KRT9: variants seen among roughly 807,000 people sequenced by gnomAD.
KRT9 encodes keratin 9, also known as keratin, type I cytoskeletal 9.
Under a neutral mutation model 51.4 loss-of-function variants are expected in KRT9, and 34 were observed. That is an observed-to-expected ratio of 0.66 (90% CI 0.50 to 0.88). The LOEUF (loss-of-function observed/expected upper bound fraction) is 0.88. KRT9 is among the 40% of genes least tolerant of loss of function. The pLI is 0.00. For synonymous variants in KRT9, 292 were observed against 289.7 expected (o/e 1.01, Z -0.08); for missense variants, 753 against 790.3 (o/e 0.95, Z 0.57).
intron 7 of KRT9, 142 bp downstream of exon 7, chr17:41,567,091 T>C: frequency 1.5e-6 from 2 of 1,355,596 alleles, no homozygotes; most frequent in South Asian, 2.8e-5. Flanking sequence ...GAACCAAGGG[T>C]AGGTCTCTGA....
intron 7 of KRT9, among the ~76,000 whole-genome samples, chr17:41,566,972 CATG>C (rs1358749590): frequency 1.3e-5 from 2 of 152,162 alleles, no homozygotes; most frequent in Admixed American, 6.5e-5. Flanking sequence ...TAGCGTGTGT[CATG>C]ATAATGCACA....
Position 41,571,595 on chromosome 17 carries a change from C to T in KRT9, c.398G>A (p.Gly133Glu), listed in dbSNP as rs750183855. The T allele has an allele frequency of 1.9e-6, 3 of 1,601,004 alleles. No homozygotes were observed. Among genetic ancestry groups the T allele is most frequent in the Non-Finnish European group, 2.6e-6 (3 of 1,171,122 alleles). Residue 133 changes from glycine (G) to glutamate (E), a missense_variant, in exon 1 of 8, where the codon GGG (glycine) becomes GAG (glutamate). Physicochemically the swap from Gly to Glu is moderately conservative, Grantham distance 98. This residue lies in a region of KRT9 where 241 missense variants were observed against 210.3 expected (regional missense o/e 1.15). Coordinates refer to ENST00000246662, the MANE Select transcript of KRT9 (RefSeq NM_000226.4). ...FGGGYGSGFG[G>E]FGGFGGGAGG... Reference sequence around the variant, plus strand: ...AGCACCACCTCCAAAGCCCCCAAACCCCCCAAACCCACTCCCATAGCCACC... The same window carrying T: ...AGCACCACCTCCAAAGCCCCCAAACTCCCCAAACCCACTCCCATAGCCACC...
intron 7 of KRT9, 56 bp downstream of exon 7, chr17:41,567,173 CAAAA>C (rs11313278): frequency 2.1e-6 from 3 of 1,436,004 alleles, no homozygotes; most frequent in Admixed American, 2.1e-5. Flanking sequence ...CAAAAATACT[CAAAA>C]AAAAAAAAAG....
chr17:41,567,348 G>A lies in KRT9; in HGVS notation c.1797C>T (p.Ser599=), dbSNP rs754967566. ...GSGFGGESGG[S]YGGGEEASGS... ...CACTCGCTTCTTCACCGCCTCCGTA[G>A]CTGCCTCCACTTTCACCTCCAAAAC... Residue 599 remains serine, a synonymous_variant, in exon 7 of 8, where the codon AGC becomes AGT. Coordinates refer to ENST00000246662, the MANE Select transcript of KRT9 (RefSeq NM_000226.4). 13 of 1,613,518 alleles carry A rather than the reference G, an allele frequency of 8.1e-6. No individual in the cohort carries two copies. The East Asian group carries it at 2.7e-4, about 33-fold the overall frequency.
intron 4 of KRT9, among the ~76,000 whole-genome samples, 168 bp downstream of exon 4, chr17:41,569,258 T>G (rs1906986826): frequency 6.6e-6 from 1 of 152,178 alleles, no homozygotes; most frequent in Non-Finnish European, 1.5e-5. Flanking sequence ...GTAATGATGT[T>G]TGTATGCAGT....
At chr17:41,567,136 A>G in intron 7 of KRT9, 97 bp downstream of exon 7, 1 of 1,569,430 alleles carries the variant, frequency 6.4e-7, no homozygotes. Context: ...ATCTAGCTCT[A>G]TTCAGAATCT....
At chr17:41,569,802 G>C (rs1335286599) in intron 3 of KRT9, 57 bp downstream of exon 3, 1 of 1,603,252 alleles carries the variant, frequency 6.2e-7, no homozygotes, top group East Asian at 2.2e-5. Flanking sequence ...CTCCCCTGCT[G>C]TCTCTGCATT....
In KRT9 at chr17:41,568,506, A is replaced by G; in HGVS notation, c.1170+2T>C. On this transcript the variant is annotated splice_donor_variant, in intron 5 of 7. Coordinates refer to ENST00000246662, the MANE Select transcript of KRT9 (RefSeq NM_000226.4). LOFTEE classifies it high-confidence loss of function. ...CAAAGGGTCTATAGCAGAACTACCAACCTTGCTGAGCTGAGACTGCAGCTC... is the reference window on the plus strand; with the variant it reads ...CAAAGGGTCTATAGCAGAACTACCAGCCTTGCTGAGCTGAGACTGCAGCTC... The G allele has an allele frequency of 1.2e-6, 2 of 1,613,990 alleles. No homozygotes were observed. Among genetic ancestry groups the G allele is most frequent in the South Asian group, 2.2e-5 (2 of 91,064 alleles).
At chr17:41,568,112 T>C in intron 6 of KRT9, 50 bp downstream of exon 6, 1 of 1,483,154 alleles carries the variant, frequency 6.7e-7, no homozygotes, top group Non-Finnish European at 9.4e-7. Flanking sequence ...AGAAGTAGTA[T>C]CAGAGGCCTA....
At chr17:41,568,980 G>T (rs1597793503) in intron 4 of KRT9, among the ~76,000 whole-genome samples, 2 of 151,536 alleles carry the variant, frequency 1.3e-5, no homozygotes, top group South Asian at 4.2e-4. Flanking sequence ...CTTCATGTAT[G>T]TGCCAGACTC....
chr17:41,569,370 T>G, intron 4 of KRT9, 56 bp downstream of exon 4: 16 of 1,538,220 alleles, frequency 1.0e-5, no homozygotes, highest in African/African-American at 1.4e-5. Flanking sequence ...GTGGGAGGGA[T>G]GGAGATAGGA....
Position 41,568,247 on chromosome 17 carries a change from A to C in KRT9, c.1309T>G (p.Tyr437Asp). ...RQEIECQNQE[Y>D]SLLLSIKMRL... ...ATCTTAATGCTGAGCAGAAGGCTGT[A>C]TTCCTGATTCTGGCACTCGATCTCT... Residue 437 changes from tyrosine to aspartate, a missense_variant, in exon 6 of 8, where the codon TAC becomes GAC. Tyr to Asp is a radical substitution (Grantham distance 160). This residue lies in a region of KRT9 where 507 missense variants were observed against 563.7 expected (regional missense o/e 0.90). Transcript: ENST00000246662. The C allele has an allele frequency of 1.9e-6, 3 of 1,614,094 alleles. No homozygotes were observed. Among genetic ancestry groups the C allele is most frequent in the Non-Finnish European group, 2.5e-6 (3 of 1,180,022 alleles).
In KRT9 at chr17:41,567,545, A is replaced by G. The variant is rs1299772587; in HGVS notation, c.1600T>C (p.Tyr534His). The part of the protein sequence containing the change: ...SGSGGGSGGG[Y>H]GGGSGGGHSG... ...TGGCCACCTCCACTTCCTCCACCAT[A>G]GCCACCTCCACTACCTCCTCCAGAA... is the stretch of plus-strand genomic sequence containing the variant. The change falls in exon 7 of 8, where the codon TAT (tyrosine) becomes CAT (histidine). Residue 534 changes from tyrosine to histidine, a missense_variant. Around this residue, in one of 3 missense-constraint regions of KRT9, gnomAD observed 507 missense variants for 563.7 expected, o/e 0.90. Coordinates refer to ENST00000246662, the MANE Select transcript of KRT9 (RefSeq NM_000226.4). The G allele has an allele frequency of 1.9e-6, 3 of 1,547,410 alleles. No homozygotes were observed. Among genetic ancestry groups the G allele is most frequent in the Admixed American group, 2.0e-5 (1 of 50,564 alleles).
Position 41,571,997 on chromosome 17 carries a change from C to A in KRT9, c.-5G>T. On this transcript the variant is annotated 5_prime_UTR_variant, in exon 1 of 8. Transcript: ENST00000246662. The stretch of plus-strand genomic sequence containing the variant: ...GGAGAACTGTCTGCAGCTCATGACA[C>A]AGCTGGTAGCTCACGGGTTGAGAAG... The A allele has an allele frequency of 6.4e-7, 1 of 1,573,488 alleles. No individual in the cohort carries two copies. Among genetic ancestry groups the A allele is most frequent in the Non-Finnish European group, 8.6e-7 (1 of 1,162,506 alleles).
chr17:41,570,803 G>C (rs1464244499), intron 1 of KRT9, among the ~76,000 whole-genome samples: 1 of 152,178 alleles, frequency 6.6e-6, no homozygotes, highest in Non-Finnish European at 1.5e-5. Flanking sequence ...GAGCAACCCT[G>C]AGGGTAGGCA....
At chr17:41,567,198 G>C (rs1221977667) in intron 7 of KRT9, 35 bp downstream of exon 7, 1 of 1,609,874 alleles carries the variant, frequency 6.2e-7, no homozygotes, top group Non-Finnish European at 8.5e-7. Context: ...GTGAGACCTT[G>C]ACTCTCCACC....
chr17:41,571,294 G>T, intron 1 of KRT9, 57 bp downstream of exon 1: 2 of 1,482,270 alleles, frequency 1.3e-6, no homozygotes, highest in Non-Finnish European at 9.4e-7. Context: ...TAACTTTTTT[G>T]GAAGATAAAG....
chr17:41,572,004 T>C lies in KRT9; in HGVS notation c.-12A>G, dbSNP rs1015410590. The C allele has an allele frequency of 3.2e-6, 5 of 1,568,238 alleles. No individual in the cohort carries two copies. The Admixed American group carries it at 7.4e-5, about 23-fold the overall frequency. ...TGTCTGCAGCTCATGACACAGCTGG[T>C]AGCTCACGGGTTGAGAAGCAGTGAT... On this transcript the variant is annotated 5_prime_UTR_variant, in exon 1 of 8. Transcript: ENST00000246662.
rs1447523684 is a variant in KRT9, at chr17:41,567,226, C to G, written c.*40+7G>C. The G allele has an allele frequency of 1.2e-6, 2 of 1,613,978 alleles. No individual in the cohort carries two copies. Among genetic ancestry groups the G allele is most frequent in the Admixed American group, 3.3e-5 (2 of 60,020 alleles). On this transcript the variant is annotated splice_region_variant and intron_variant, in intron 7 of 7. Transcript: ENST00000246662. ...TCTCCACCCCACAACCTAGGATTGTCCCTTACCTTTTGTCTCATCTTGGTC... is the reference window on the plus strand; with the variant it reads ...TCTCCACCCCACAACCTAGGATTGTGCCTTACCTTTTGTCTCATCTTGGTC...
Sources: gnomAD v4.1 joint callset for allele counts (sites outside exome capture counted in the v4.1 genomes callset) on GRCh38, gnomAD v4.1.1 for gene constraint, gnomAD v4.1.1 regional missense constraint, MANE v1.5 for transcripts, NCBI Gene and HGNC (gene_info 2026-07-23, HGNC 2026-07-21) for gene names.